Variants in ST6GALNAC3 observed in about 807,000 individuals in gnomAD.
ST6GALNAC3 encodes the protein ST6 N-acetylgalactosaminide alpha-2,6-sialyltransferase 3, also known as alpha-N-acetylgalactosaminide alpha-2,6-sialyltransferase 3.
Under a neutral mutation model 32.7 loss-of-function variants are expected in ST6GALNAC3, and 25 were observed. That is an observed-to-expected ratio of 0.76 (90% CI 0.56 to 1.07). ST6GALNAC3 has a LOEUF of 1.07. Among genes scored for constraint, ST6GALNAC3 ranks in the 50% least tolerant of loss-of-function variants. The probability of loss-of-function intolerance (pLI) is 0.00; values close to 1 mark genes in which losing one functional copy is unlikely to be tolerated. For missense variants in ST6GALNAC3, 355 were observed against 382.4 expected, an observed-to-expected ratio of 0.93 and a Z score of 0.60; for synonymous variants, 129 against 133.1, an observed-to-expected ratio of 0.97 and a Z score of 0.21.
chr1:76,232,822 C>A (rs577588868), intron 1 of ST6GALNAC3, among the ~76,000 whole-genome samples: 1 of 152,320 alleles, frequency 6.6e-6, no homozygotes, highest in Non-Finnish European at 1.5e-5. Context: ...TTTGCAGGAG[C>A]CGGTCAAGTA....
chr1:76,541,178 C>T (rs1347331005), intron 3 of ST6GALNAC3, among the ~76,000 whole-genome samples: 1 of 152,106 alleles, frequency 6.6e-6, no homozygotes, highest in Non-Finnish European at 1.5e-5. Flanking sequence ...GAAGATGAGT[C>T]TCTAGAAGTC....
chr1:76,445,412 A>G (rs1656901190), intron 3 of ST6GALNAC3, among the ~76,000 whole-genome samples: 1 of 152,160 alleles, frequency 6.6e-6, no homozygotes, highest in African/African-American at 2.4e-5. Flanking sequence ...TCTGATGCAC[A>G]CTCAAGTTTG....
chr1:76,592,553 T>C (rs1647065025), intron 3 of ST6GALNAC3, among the ~76,000 whole-genome samples: 1 of 149,344 alleles, frequency 6.7e-6, no homozygotes, highest in Admixed American at 6.7e-5. Flanking sequence ...AATCATAAAA[T>C]TGCTTCCCAG....
At chr1:76,459,589 G>A (rs1048422411) in intron 3 of ST6GALNAC3, among the ~76,000 whole-genome samples, 2 of 151,578 alleles carry the variant, frequency 1.3e-5, no homozygotes, top group African/African-American at 4.8e-5. Flanking sequence ...GAATAGAATT[G>A]ACTATGGGCT....
At chr1:76,251,191 C>A (rs951792956) in intron 1 of ST6GALNAC3, among the ~76,000 whole-genome samples, 1 of 152,124 alleles carries the variant, frequency 6.6e-6, no homozygotes, top group Non-Finnish European at 1.5e-5. Flanking sequence ...CATTATCACC[C>A]GCATGTCACT....
chr1:76,550,518 A>T (rs1376218665), intron 3 of ST6GALNAC3, among the ~76,000 whole-genome samples: 1 of 152,078 alleles, frequency 6.6e-6, no homozygotes. Context: ...TCCCCATGAC[A>T]GTACTACTCC....
At chr1:76,202,268 ATGTGTGTGTGTGTGTG>A (rs58107501) in intron 1 of ST6GALNAC3, among the ~76,000 whole-genome samples, 1 of 145,330 alleles carries the variant, frequency 6.9e-6, no homozygotes, top group Admixed American at 6.9e-5. Context: ...GTGTGCATGC[ATGTGTGTGTGTGTGTG>A]TGTGTGTGTG....
At chr1:76,246,300 T>G (rs1304308973) in intron 1 of ST6GALNAC3, among the ~76,000 whole-genome samples, 3 of 152,188 alleles carry the variant, frequency 2.0e-5, no homozygotes, top group Non-Finnish European at 4.4e-5. Context: ...AGCCTATGTG[T>G]GTCTTTGCAC....
chr1:76,422,328 C>A (rs1655082944), intron 3 of ST6GALNAC3, among the ~76,000 whole-genome samples: 1 of 151,960 alleles, frequency 6.6e-6, no homozygotes, highest in Non-Finnish European at 1.5e-5. Flanking sequence ...AATTAAGTTA[C>A]AAGTTTAAGG....
intron 3 of ST6GALNAC3, among the ~76,000 whole-genome samples, chr1:76,437,819 C>A (rs1656260495): frequency 6.6e-6 from 1 of 151,994 alleles, no homozygotes; most frequent in Admixed American, 6.5e-5. Context: ...CATGATCCAC[C>A]CGCCTCAGCC....
Position 76,369,842 on chromosome 1 carries a change from C to T in ST6GALNAC3, c.214-42166C>T, listed in dbSNP as rs145283948. On this transcript the variant is annotated intron_variant, in intron 2 of 4. Transcript: ENST00000328299. ...TAGCTCTATAATAAGTAGAAAATTC[C>T]AAATTCAAGATATTCTGAGCCTTGA... Among the ~76,000 whole-genome samples the T allele has an allele frequency of 2.9e-3, 438 of 152,166 alleles. 3 individuals are homozygous for T. The highest frequency in any genetic ancestry group is 9.7e-3 in the African/African-American group (404 of 41,514).
chr1:76,113,180 A>T lies in ST6GALNAC3; in HGVS notation c.18+38296A>T, dbSNP rs543305989. Among the ~76,000 whole-genome samples, 873 of 152,198 alleles carry T rather than the reference A, an allele frequency of 5.7e-3. 4 individuals are homozygous for T. The highest frequency in any genetic ancestry group is 0.01 in the Non-Finnish European group (681 of 67,998). On this transcript the variant is annotated intron_variant, in intron 1 of 4. Transcript: ENST00000328299. ...GCGAAACCCCGTCTCCACCAAAAAA[A>T]ATACGAAAACCAGTCAGGCGTGGCG...
intron 1 of ST6GALNAC3, among the ~76,000 whole-genome samples, chr1:76,188,067 G>A (rs1282238873): frequency 5.9e-5 from 9 of 152,278 alleles, no homozygotes; most frequent in African/African-American, 1.9e-4. Flanking sequence ...AGTAGATGCA[G>A]AAATAATCTG....
At chr1:76,171,089 GT>G (rs1570294295) in intron 1 of ST6GALNAC3, among the ~76,000 whole-genome samples, 1 of 1,096 alleles carries the variant, frequency 9.1e-4, no homozygotes, top group Admixed American at 0.031. Context: ...ATTGAGAGGG[GT>G]GTGTGTGTGT....
At chr1:76,533,970 A>G (rs911003708) in intron 3 of ST6GALNAC3, among the ~76,000 whole-genome samples, 2 of 152,068 alleles carry the variant, frequency 1.3e-5, no homozygotes, top group Admixed American at 6.6e-5. Context: ...TGTCATACGT[A>G]TATGTATTTT....
At chr1:76,587,300 G>C (rs1646976219) in intron 3 of ST6GALNAC3, among the ~76,000 whole-genome samples, 1 of 152,200 alleles carries the variant, frequency 6.6e-6, no homozygotes, top group African/African-American at 2.4e-5. Flanking sequence ...TATTGTCTGA[G>C]TCCTGGTCAG....
intron 3 of ST6GALNAC3, among the ~76,000 whole-genome samples, chr1:76,506,172 C>T (rs1039609115): frequency 7.9e-5 from 12 of 152,024 alleles, no homozygotes; most frequent in African/African-American, 2.9e-4. Context: ...ATCTTGAGGC[C>T]CTTGCAAATT....
intron 2 of ST6GALNAC3, among the ~76,000 whole-genome samples, chr1:76,345,503 G>A (rs534667016): frequency 6.6e-6 from 1 of 152,154 alleles, no homozygotes; most frequent in East Asian, 1.9e-4. Context: ...CTGAAAAGAT[G>A]TTCACAGCAA....
chr1:76,328,216 C>T (rs1647117017), intron 2 of ST6GALNAC3, among the ~76,000 whole-genome samples: 2 of 152,094 alleles, frequency 1.3e-5, no homozygotes, highest in Admixed American at 6.5e-5. Flanking sequence ...TTCAGACTGG[C>T]CTTACTTCCT....
Sources: allele counts gnomAD v4.1 joint callset (sites outside exome capture counted in the v4.1 genomes callset), GRCh38; gene constraint gnomAD v4.1.1; transcripts MANE v1.5; gene names NCBI Gene and HGNC (gene_info 2026-07-23, HGNC 2026-07-21).